Variants in RIMKLB observed in about 807,000 individuals in gnomAD.
RIMKLB encodes the protein ribosomal modification protein rimK like family member B.
RIMKLB carries 7 observed loss-of-function variants against 32.0 expected under a neutral mutation model. The ratio of observed to expected loss-of-function variants is 0.22; its 90% CI spans 0.12 to 0.41. The LOEUF (loss-of-function observed/expected upper bound fraction) is 0.41, where lower values mean the gene tolerates loss of function less well. RIMKLB is among the 10% of genes least tolerant of loss of function. The pLI, the probability that RIMKLB is intolerant of heterozygous loss-of-function variation, is 1.00. For missense variants in RIMKLB, 289 were observed against 498.7 expected (o/e 0.58, Z 4.00); for synonymous variants, 172 against 185.1 (o/e 0.93, Z 0.57).
At chr12:8,676,365 T>C in the RIMKLB span, among the ~76,000 whole-genome samples, 2 of 142,526 alleles carry the variant, frequency 1.4e-5, no homozygotes, top group South Asian at 4.8e-4. Context: ...TGAGCCACTG[T>C]GCTCAACCCC....
intron 2 of RIMKLB, among the ~76,000 whole-genome samples, chr12:8,716,583 G>C (rs1245429878): frequency 6.9e-6 from 1 of 145,062 alleles, no homozygotes; most frequent in Non-Finnish European, 1.5e-5. Flanking sequence ...TTTAGACTAA[G>C]AGTGAAGTTT....
chr12:8,719,649 A>G (rs1347241743), intron 2 of RIMKLB, among the ~76,000 whole-genome samples: 1 of 152,318 alleles, frequency 6.6e-6, no homozygotes, highest in African/African-American at 2.4e-5. Flanking sequence ...GATTACAGGC[A>G]TGAGTCACAG....
chr12:8,767,846 C>T (rs1327488265), intron 5 of RIMKLB, among the ~76,000 whole-genome samples: 1 of 152,208 alleles, frequency 6.6e-6, no homozygotes, highest in Non-Finnish European at 1.5e-5. Context: ...TTATTTTTAA[C>T]CAGCTGACAG....
chr12:8,768,135 C>T (rs757996192), intron 5 of RIMKLB, among the ~76,000 whole-genome samples: 26 of 152,264 alleles, frequency 1.7e-4, no homozygotes, highest in South Asian at 2.1e-4. Context: ...CCATGGGTCA[C>T]GGAAGAGAAC....
At chr12:8,697,961 C>G (rs1942985582), upstream of RIMKLB, 1 of 150,508 alleles carries the variant, frequency 6.6e-6, no homozygotes, top group East Asian at 2.0e-4. Flanking sequence ...GCGTCGCGCG[C>G]GCTGTGTGTG....
chr12:8,712,947 C>T (rs746629904), intron 1 of RIMKLB, among the ~76,000 whole-genome samples: 1 of 152,152 alleles, frequency 6.6e-6, no homozygotes, highest in South Asian at 2.1e-4. Flanking sequence ...CGTTTTGTTG[C>T]TTGTTCTGAA....
chr12:8,782,083 C>G (rs1242964712), downstream of RIMKLB, among the ~76,000 whole-genome samples: 4 of 151,366 alleles, frequency 2.6e-5, no homozygotes, highest in Admixed American at 2.0e-4. Flanking sequence ...GGTGACAGAA[C>G]AGTAATTTTG....
intron 1 of RIMKLB, among the ~76,000 whole-genome samples, chr12:8,687,559 C>G (rs1198222508): frequency 6.6e-6 from 1 of 152,184 alleles, no homozygotes; most frequent in African/African-American, 2.4e-5. Context: ...CCTCTGCTCT[C>G]TCGTCTTTCC....
intron 2 of RIMKLB, among the ~76,000 whole-genome samples, chr12:8,728,557 C>T (rs1025972839): frequency 5.3e-5 from 8 of 152,106 alleles, no homozygotes; most frequent in Admixed American, 2.6e-4. Context: ...AGTAAAATCC[C>T]AGCAAGTTGG....
chr12:8,719,223 T>C (rs1945190648), intron 2 of RIMKLB, among the ~76,000 whole-genome samples: 1 of 152,214 alleles, frequency 6.6e-6, no homozygotes, highest in Admixed American at 6.5e-5. Context: ...TCCACGTCTT[T>C]TCCTGGCTTG....
upstream of RIMKLB, chr12:8,697,662 C>T (rs1001631823): frequency 7.2e-6 from 2 of 276,434 alleles, no homozygotes; most frequent in Admixed American, 7.6e-5. Context: ...GGCGCGTCCT[C>T]GGAGCGCCCT....
At chr12:8,735,746 T>C (rs60467762) in intron 2 of RIMKLB, among the ~76,000 whole-genome samples, 4,956 of 152,180 alleles carry the variant, frequency 0.033, 271 homozygotes, top group African/African-American at 0.11. Flanking sequence ...TGTTTGTTTT[T>C]TAAGACGTAG....
intron 2 of RIMKLB, among the ~76,000 whole-genome samples, chr12:8,728,114 A>C (rs868475587): frequency 6.6e-6 from 1 of 152,096 alleles, no homozygotes; most frequent in South Asian, 2.1e-4. Flanking sequence ...CAATTCCCAT[A>C]TCTCTCCTTA....
intron 2 of RIMKLB, among the ~76,000 whole-genome samples, chr12:8,733,268 C>G (rs956850694): frequency 2.0e-5 from 3 of 147,718 alleles, no homozygotes; most frequent in African/African-American, 7.5e-5. Context: ...TTATATTATA[C>G]ATATTTTATT....
intron 2 of RIMKLB, among the ~76,000 whole-genome samples, chr12:8,726,309 A>G (rs1945998785): frequency 6.6e-6 from 1 of 152,146 alleles, no homozygotes; most frequent in African/African-American, 2.4e-5. Flanking sequence ...GACATGAAGC[A>G]CTTTTTCGTA....
chr12:8,782,383 G>A (rs553605463), intron 7 of RIMKLB, among the ~76,000 whole-genome samples: 4 of 151,026 alleles, frequency 2.6e-5, no homozygotes, highest in Admixed American at 1.3e-4. Flanking sequence ...GTAATAGTAC[G>A]GAGACATCTT....
At chr12:8,696,325 T>C (rs996834624), upstream of RIMKLB, among the ~76,000 whole-genome samples, 1 of 152,174 alleles carries the variant, frequency 6.6e-6, no homozygotes, top group Non-Finnish European at 1.5e-5. Context: ...TGGAAGTAAA[T>C]AGCAACAATT....
At chr12:8,718,947 G>A (rs1006290792) in intron 2 of RIMKLB, among the ~76,000 whole-genome samples, 1 of 152,090 alleles carries the variant, frequency 6.6e-6, no homozygotes, top group African/African-American at 2.4e-5. Context: ...TTGGGCAAAT[G>A]CATAATTACA....
intron 5 of RIMKLB, among the ~76,000 whole-genome samples, chr12:8,761,203 G>A (rs1949488499): frequency 6.7e-6 from 1 of 150,048 alleles, no homozygotes; most frequent in Non-Finnish European, 1.5e-5. Flanking sequence ...AATTAGCTTG[G>A]CATGCTGGCA....
Sources: allele counts gnomAD v4.1 joint callset (sites outside exome capture counted in the v4.1 genomes callset), GRCh38; gene constraint gnomAD v4.1.1; transcripts MANE v1.5; gene names NCBI Gene and HGNC (gene_info 2026-07-23, HGNC 2026-07-21).